The following HS1BP3 variants were observed in gnomAD, a reference collection of about 807,000 sequenced individuals.
The protein encoded by HS1BP3 is HCLS1 binding protein 3, also known as HCLS1-binding protein 3.
Under a neutral mutation model 33.5 loss-of-function variants are expected in HS1BP3, and 32 were observed. That is an observed-to-expected ratio of 0.95 (90% confidence interval 0.72 to 1.28). The LOEUF is 1.28. Ranked by LOEUF, HS1BP3 falls within the 50% of genes most tolerant of loss-of-function variation. HS1BP3 has a pLI of 0.00. For missense variants in HS1BP3, 486 were observed against 502.3 expected (o/e 0.97, Z 0.31); for synonymous variants, 187 against 209.2 (o/e 0.89, Z 0.92).
rs377096329 is a variant in HS1BP3, at chr2:20,619,700, A to G, written c.921-455T>C. 3.6e-4 allele frequency among the ~76,000 whole-genome samples: 55 copies of G among 152,370 alleles called. No homozygotes were observed. The South Asian group carries it at 0.011, about 32-fold the overall frequency. ...GCATGACTGTGCTTCCATCACGCAG[A>G]TGAGGACGCTGGAGTCCCAGGAGGC... On this transcript the variant is annotated intron_variant, in intron 6 of 6. Transcript: ENST00000304031.
At chr2:20,593,860 G>A (rs1407030791) in intron 3 of HS1BP3, among the ~76,000 whole-genome samples, 1 of 152,166 alleles carries the variant, frequency 6.6e-6, no homozygotes, top group African/African-American at 2.4e-5. Flanking sequence ...GGTCCTCCAG[G>A]GCCGGCATTG....
At chr2:20,626,420 A>G (rs901407627) in intron 4 of HS1BP3, among the ~76,000 whole-genome samples, 3 of 152,200 alleles carry the variant, frequency 2.0e-5, no homozygotes, top group Non-Finnish European at 4.4e-5. Context: ...TGGTCCAGAG[A>G]AGCTGAGTGT....
In HS1BP3 at chr2:20,598,327, A is replaced by G. The variant is rs1693989834; in HGVS notation, c.179-62T>C. 4 of 306,536 alleles carry G rather than the reference A, an allele frequency of 1.3e-5. No homozygotes were observed. In the Admixed American group the frequency reaches 1.4e-4, roughly 11 times the overall value. 19.0% of individuals were successfully genotyped at this position (306,536 alleles called of 1,614,324 possible). ...ATTAGATTCTCATAAGGAGCACACA[A>G]CCAAGATCTCTTGAATGAGCAAGGG... On this transcript the variant is annotated intron_variant, in intron 2 of 3. Coordinates refer to the HS1BP3 transcript ENST00000415264.
At chr2:20,560,156 C>T (rs1692955022), downstream of HS1BP3, among the ~76,000 whole-genome samples, 2 of 152,204 alleles carry the variant, frequency 1.3e-5, no homozygotes, top group African/African-American at 4.8e-5. Context: ...GCTCTCATGG[C>T]TAGCTTTGCA....
chr2:20,575,765 C>G (rs866891534), intron 5 of HS1BP3, among the ~76,000 whole-genome samples: 5 of 9,754 alleles, frequency 5.1e-4, no homozygotes, highest in Non-Finnish European at 3.4e-3. Context: ...GTTCCACCCC[C>G]CCCCCCCCCT....
downstream of HS1BP3, among the ~76,000 whole-genome samples, chr2:20,617,619 C>A (rs1694458667): frequency 6.8e-6 from 1 of 146,254 alleles, no homozygotes; most frequent in South Asian, 2.1e-4. Flanking sequence ...CAGCCGGGGG[C>A]TCCCTCAGGG....
At chr2:20,621,364 T>A (rs1239463445) in intron 6 of HS1BP3, among the ~76,000 whole-genome samples, 1 of 152,238 alleles carries the variant, frequency 6.6e-6, no homozygotes, top group African/African-American at 2.4e-5. Context: ...TCTGTTTGGA[T>A]GGCAGAGAAA....
intron 2 of HS1BP3, among the ~76,000 whole-genome samples, chr2:20,601,363 C>T (rs778440591): frequency 7.2e-5 from 11 of 152,116 alleles, no homozygotes; most frequent in Admixed American, 4.6e-4. Context: ...TCTAATCTGC[C>T]GTCATCTTGG....
chr2:20,630,768 T>C (rs888634445), intron 4 of HS1BP3, among the ~76,000 whole-genome samples: 1 of 151,974 alleles, frequency 6.6e-6, no homozygotes, highest in Non-Finnish European at 1.5e-5. Flanking sequence ...AAGGCCAGGA[T>C]GGAAAAACGA....
At chr2:20,638,261 G>A in intron 4 of HS1BP3, 175 bp downstream of exon 4, 1 of 628,562 alleles carries the variant, frequency 1.6e-6, no homozygotes, top group South Asian at 2.0e-5. Context: ...CACCACCAAG[G>A]GCACGCAGAG....
intron 2 of HS1BP3, chr2:20,606,219 T>C: frequency 9.3e-6 from 2 of 214,224 alleles, no homozygotes; most frequent in Non-Finnish European, 9.8e-6. Context: ...CTGAGCATAT[T>C]TTCTTTTTCT....
rs530714518 is a variant in HS1BP3, at chr2:20,561,242, G to C, written c.303-727C>G. Among the ~76,000 whole-genome samples, 4 of 152,308 alleles carry C rather than the reference G, an allele frequency of 2.6e-5. No individual in the cohort carries two copies. The South Asian group carries it at 8.3e-4, about 32-fold the overall frequency. On this transcript the variant is annotated intron_variant, in intron 5 of 5. Transcript: ENST00000446825. ...TGCCCTCGCTGTCCTGCAGCTCAGA[G>C]CTGGCACATGGGATCCCTTTCTCCC...
chr2:20,639,236 G>C (rs1228968981), intron 3 of HS1BP3, among the ~76,000 whole-genome samples: 1 of 152,182 alleles, frequency 6.6e-6, no homozygotes, highest in East Asian at 1.9e-4. Context: ...TTAGATGAGC[G>C]CTTCTTGAAG....
intron 2 of HS1BP3, 27 bp from the exon 3 acceptor site, chr2:20,641,207 C>T (rs1695337234): frequency 6.3e-7 from 1 of 1,588,574 alleles, no homozygotes; most frequent in Non-Finnish European, 8.5e-7. Context: ...ATGTGGTTTC[C>T]TGAGTGAAGA....
intron 2 of HS1BP3, chr2:20,606,280 T>C: frequency 4.7e-6 from 2 of 429,026 alleles, no homozygotes; most frequent in East Asian, 1.1e-4. Flanking sequence ...TTGGACCTGT[T>C]CATGCGTCTT....
downstream of HS1BP3, among the ~76,000 whole-genome samples, chr2:20,615,081 G>A (rs1210745342): frequency 6.6e-6 from 1 of 152,226 alleles, no homozygotes; most frequent in Non-Finnish European, 1.5e-5. Flanking sequence ...GCCACCTCCT[G>A]TTAGGAGCTA....
At chr2:20,592,175 A>G (rs1693831385), downstream of HS1BP3, among the ~76,000 whole-genome samples, 1 of 152,016 alleles carries the variant, frequency 6.6e-6, no homozygotes. Context: ...GGCTGCAAAA[A>G]TTAGCTGGGT....
downstream of HS1BP3, among the ~76,000 whole-genome samples, chr2:20,559,663 GATGGATGGGTGGATGA>G (rs1249699028): frequency 3.3e-5 from 2 of 59,826 alleles, no homozygotes; most frequent in East Asian, 1.3e-3. Context: ...TGGGTGCATG[GATGGATGGGTGGATGA>G]ATGGATGGGT....
downstream of HS1BP3, among the ~76,000 whole-genome samples, chr2:20,588,046 T>G (rs1369117953): frequency 6.6e-6 from 1 of 151,310 alleles, no homozygotes; most frequent in Non-Finnish European, 1.5e-5. Context: ...TCTCATCCAG[T>G]CCTCGGAGAC....
Sources: allele counts gnomAD v4.1 joint callset (sites outside exome capture counted in the v4.1 genomes callset), GRCh38; gene constraint gnomAD v4.1.1; transcripts MANE v1.5; gene names NCBI Gene and HGNC (gene_info 2026-07-23, HGNC 2026-07-21).